The following ZNF423 variants were observed in gnomAD, a reference collection of about 807,000 sequenced individuals.
The protein encoded by ZNF423 is Ebf-associated zinc finger protein.
ZNF423 carries 12 observed loss-of-function variants against 95.8 expected under a neutral mutation model. The ratio of observed to expected loss-of-function variants is 0.13; its 90% CI spans 0.08 to 0.20. ZNF423 has a LOEUF of 0.20. Ranked by LOEUF, ZNF423 falls within the 10% of genes least tolerant of loss-of-function variation. The pLI, the probability that ZNF423 is intolerant of heterozygous loss-of-function variation, is 1.00. For missense variants in ZNF423, 1,316 were observed against 1,737.1 expected, an observed-to-expected ratio of 0.76 and a Z score of 4.31; for synonymous variants, 749 against 711.9, an observed-to-expected ratio of 1.05 and a Z score of -0.83.
intron 1 of ZNF423, among the ~76,000 whole-genome samples, chr16:49,837,982 C>T (rs192077405): frequency 4.7e-4 from 72 of 152,338 alleles, no homozygotes; most frequent in African/African-American, 1.6e-3. Context: ...TGTCTTGCTA[C>T]TAAGCCGTAA....
intron 3 of ZNF423, among the ~76,000 whole-genome samples, chr16:49,687,315 AG>A (rs1301581872): frequency 3.3e-4 from 50 of 152,070 alleles, no homozygotes; most frequent in African/African-American, 1.2e-3. Context: ...AAGGGGTGGA[AG>A]TGGGGGAAGC....
intron 2 of ZNF423, among the ~76,000 whole-genome samples, chr16:49,744,142 G>A (rs564699600): frequency 7.9e-5 from 12 of 152,300 alleles, no homozygotes; most frequent in Admixed American, 2.0e-4. Flanking sequence ...GCTTTCTGCC[G>A]ACTTCCCGTC....
At chr16:49,558,629 T>C (rs1969915663) in intron 5 of ZNF423, among the ~76,000 whole-genome samples, 2 of 152,092 alleles carry the variant, frequency 1.3e-5, no homozygotes, top group Non-Finnish European at 2.9e-5. Flanking sequence ...AGCCCAATTC[T>C]GCTAAGGGAT....
At chr16:49,727,596 C>T (rs1262514622) in intron 3 of ZNF423, among the ~76,000 whole-genome samples, 1 of 152,192 alleles carries the variant, frequency 6.6e-6, no homozygotes, top group Non-Finnish European at 1.5e-5. Context: ...ACACACAGCA[C>T]TCTCCCCAGA....
chr16:49,623,844 T>C (rs1972166224), intron 5 of ZNF423, among the ~76,000 whole-genome samples: 2 of 152,026 alleles, frequency 1.3e-5, no homozygotes, highest in South Asian at 4.1e-4. Context: ...GTCAGATAGG[T>C]TGGGGGTCAG....
intron 1 of ZNF423, among the ~76,000 whole-genome samples, chr16:49,811,706 T>A (rs1437769349): frequency 6.6e-6 from 1 of 152,034 alleles, no homozygotes; most frequent in Non-Finnish European, 1.5e-5. Flanking sequence ...TGGGTTAAAG[T>A]CTGAGTTGGC....
chr16:49,636,096 C>T lies in ZNF423; in HGVS notation c.3080G>A (p.Gly1027Asp), dbSNP rs1478373402. Residue 1027 changes from glycine to aspartate, a missense_variant, in exon 4 of 8, where the codon GGC becomes GAC. Around this residue, in one of 6 missense-constraint regions of ZNF423, gnomAD observed 620 missense variants for 775.6 expected, o/e 0.80. Transcript: ENST00000563137. The surrounding 1 kb of genome is among the most constrained non-coding windows in gnomAD (Gnocchi z 8.6). ...MHPDLRNSLT[G>D]FRCVVCMQTV... ...CTGCATGCAGACCACACAGCGGAAG[C>T]CCGTGAGTGAGTTGCGCAGGTCAGG... is the stretch of plus-strand genomic sequence containing the variant. The T allele has an allele frequency of 1.9e-6, 3 of 1,613,984 alleles. No individual in the cohort carries two copies. The highest frequency in any genetic ancestry group is 2.2e-5 in the East Asian group (1 of 44,850).
intron 3 of ZNF423, among the ~76,000 whole-genome samples, chr16:49,687,170 G>A (rs927830155): frequency 6.6e-6 from 1 of 151,964 alleles, no homozygotes; most frequent in African/African-American, 2.4e-5. Flanking sequence ...CTAATAAACA[G>A]TGGGCAGGCC....
chr16:49,578,174 G>A (rs534809182), intron 5 of ZNF423, among the ~76,000 whole-genome samples: 33 of 152,284 alleles, frequency 2.2e-4, no homozygotes, highest in Non-Finnish European at 4.4e-4. Context: ...AGACAGGACG[G>A]GAATCTGAAT....
intron 3 of ZNF423, among the ~76,000 whole-genome samples, chr16:49,689,277 A>G (rs2031685935): frequency 4.4e-4 from 3 of 6,870 alleles, no homozygotes; most frequent in Admixed American, 3.4e-3. Flanking sequence ...CCCCATCTCT[A>G]CAAAAAAAAA....
chr16:49,547,222 C>T (rs917550746), intron 5 of ZNF423, among the ~76,000 whole-genome samples: 2 of 152,040 alleles, frequency 1.3e-5, no homozygotes, highest in Admixed American at 1.3e-4. Flanking sequence ...GAAAAACACT[C>T]AGATGCTGAG....
intron 5 of ZNF423, among the ~76,000 whole-genome samples, chr16:49,556,889 A>G (rs1471987295): frequency 6.6e-6 from 1 of 152,202 alleles, no homozygotes; most frequent in East Asian, 1.9e-4. Flanking sequence ...AAACAGTACC[A>G]CGGGGATCTA....
At chr16:49,580,649 C>T (rs1346242294) in intron 5 of ZNF423, among the ~76,000 whole-genome samples, 11 of 152,180 alleles carry the variant, frequency 7.2e-5, no homozygotes, top group Admixed American at 7.2e-4. Context: ...ATCAATCTTC[C>T]TTGTTCCTTC....
At chr16:49,792,462 G>GCTAACTGGC (rs1434614716) in intron 1 of ZNF423, among the ~76,000 whole-genome samples, 1 of 152,218 alleles carries the variant, frequency 6.6e-6, no homozygotes. Flanking sequence ...GTGGCCCAGT[G>GCTAACTGGC]CTAACTGGCT....
intron 7 of ZNF423, among the ~76,000 whole-genome samples, chr16:49,495,886 G>A (rs539570643): frequency 5.9e-5 from 9 of 152,328 alleles, no homozygotes; most frequent in Non-Finnish European, 1.3e-4. Flanking sequence ...TGTTGCTTAG[G>A]CGTGGGACCC....
At chr16:49,519,780 TG>T (rs774495367) in intron 7 of ZNF423, among the ~76,000 whole-genome samples, 2 of 152,204 alleles carry the variant, frequency 1.3e-5, no homozygotes, top group Non-Finnish European at 2.9e-5. Flanking sequence ...CCCATCATGA[TG>T]GAGATAAAAT....
intron 1 of ZNF423, among the ~76,000 whole-genome samples, chr16:49,797,934 G>C (rs557547065): frequency 9.4e-6 from 1 of 106,018 alleles, no homozygotes; most frequent in Non-Finnish European, 2.1e-5. Context: ...TTTAGGCCAG[G>C]CACAGTCACT....
At chr16:49,628,610 T>C (rs2151869905) in intron 4 of ZNF423, among the ~76,000 whole-genome samples, 1 of 152,292 alleles carries the variant, frequency 6.6e-6, no homozygotes, top group Admixed American at 6.5e-5. Flanking sequence ...CTCATCCATT[T>C]ACTTACCCTA....
At chr16:49,620,550 C>T (rs1972036639) in intron 5 of ZNF423, among the ~76,000 whole-genome samples, 1 of 152,188 alleles carries the variant, frequency 6.6e-6, no homozygotes, top group African/African-American at 2.4e-5. Context: ...TCTGGCCTGG[C>T]TGCCCGCCAG....
Sources: gnomAD v4.1 joint callset for allele counts (sites outside exome capture counted in the v4.1 genomes callset) on GRCh38, gnomAD v4.1.1 for gene constraint, gnomAD v4.1.1 regional missense constraint, Gnocchi (gnomAD v3.1) non-coding constraint, MANE v1.5 for transcripts, NCBI Gene and HGNC (gene_info 2026-07-23, HGNC 2026-07-21) for gene names.